CNTN4: variants seen among roughly 807,000 people sequenced by gnomAD.
CNTN4 encodes contactin-4.
In CNTN4, 77 loss-of-function variants were observed where a neutral mutation model predicts 122.5. That is an observed-to-expected ratio of 0.63 (90% confidence interval 0.52 to 0.76). CNTN4 has a LOEUF of 0.76. CNTN4 is among the 30% of genes least tolerant of loss of function. CNTN4 has a pLI of 0.00. For synonymous variants in CNTN4, 512 were observed against 447.0 expected (o/e 1.15, Z -1.83); for missense variants, 1,256 against 1,259.1 (o/e 1.00, Z 0.04).
At chr3:2,622,814 C>T (rs1322190476) in intron 4 of CNTN4, among the ~76,000 whole-genome samples, 2 of 152,216 alleles carry the variant, frequency 1.3e-5, no homozygotes, top group East Asian at 1.9e-4. Context: ...TGCAAGATCA[C>T]GCAGCTGGTG....
At chr3:2,572,208 G>T (rs573655753) in intron 4 of CNTN4, among the ~76,000 whole-genome samples, 1 of 152,080 alleles carries the variant, frequency 6.6e-6, no homozygotes, top group African/African-American at 2.4e-5. Flanking sequence ...GTAACATGGC[G>T]AAAGCTCATC....
At chr3:2,301,666 T>C (rs937043632) in intron 2 of CNTN4, among the ~76,000 whole-genome samples, 1 of 152,186 alleles carries the variant, frequency 6.6e-6, no homozygotes, top group Non-Finnish European at 1.5e-5. Flanking sequence ...GGCAAGTAAC[T>C]TGGGGAATAA....
intron 2 of CNTN4, among the ~76,000 whole-genome samples, chr3:2,330,303 T>A (rs1408390855): frequency 6.6e-6 from 1 of 152,180 alleles, no homozygotes; most frequent in Non-Finnish European, 1.5e-5. Flanking sequence ...TTGGGCAACA[T>A]GGAAGCTCTC....
intron 3 of CNTN4, among the ~76,000 whole-genome samples, chr3:2,517,723 C>T (rs949713780): frequency 4.6e-5 from 7 of 152,132 alleles, no homozygotes; most frequent in South Asian, 4.1e-4. Context: ...AACTTTGCCT[C>T]CTCGCTGGTT....
chr3:3,043,693 A>G lies in CNTN4; in HGVS notation c.2800A>G (p.Lys934Glu). 1 of 1,609,946 alleles carries G rather than the reference A, an allele frequency of 6.2e-7. No homozygotes were observed. Among genetic ancestry groups the G allele is most frequent in the South Asian group, 1.1e-5 (1 of 90,996 alleles). ...GGCCCTGGATAATGAGTCGGAAGTAAAAGGATACAAAGTAGGTAATTTCTT... is the reference window on the plus strand; with the variant it reads ...GGCCCTGGATAATGAGTCGGAAGTAGAAGGATACAAAGTAGGTAATTTCTT... Reference protein sequence around the residue: ...VKALDNESEVKGYKVLYRWNR... With the variant: ...VKALDNESEVEGYKVLYRWNR... The change falls in exon 23 of 25, where the codon AAA (lysine) becomes GAA (glutamate). Residue 934 changes from lysine (K) to glutamate (E), a missense_variant. Coordinates refer to ENST00000418658, the MANE Select transcript of CNTN4 (RefSeq NM_175607.3).
At chr3:2,521,443 T>C (rs1486393155) in intron 3 of CNTN4, among the ~76,000 whole-genome samples, 1 of 149,648 alleles carries the variant, frequency 6.7e-6, no homozygotes, top group African/African-American at 2.5e-5. Context: ...TTGAAACCTA[T>C]TTATAACTTC....
At chr3:2,176,755 G>C (rs2036765013) in intron 2 of CNTN4, among the ~76,000 whole-genome samples, 1 of 152,126 alleles carries the variant, frequency 6.6e-6, no homozygotes, top group South Asian at 2.1e-4. Context: ...ATATAGCTTA[G>C]GAGATTGATT....
intron 2 of CNTN4, among the ~76,000 whole-genome samples, chr3:2,104,587 C>G (rs571453773): frequency 1.3e-5 from 2 of 152,076 alleles, no homozygotes; most frequent in Non-Finnish European, 1.5e-5. Flanking sequence ...GATAAATAAT[C>G]CAGAGAAGTC....
At chr3:2,611,303 A>AAC (rs2081475768) in intron 4 of CNTN4, among the ~76,000 whole-genome samples, 1 of 148,388 alleles carries the variant, frequency 6.7e-6, no homozygotes, top group Non-Finnish European at 1.5e-5. Flanking sequence ...GAACCAAAAA[A>AAC]AAAAAAAAAG....
At chr3:2,535,576 T>C (rs1356720663) in intron 3 of CNTN4, among the ~76,000 whole-genome samples, 2 of 152,174 alleles carry the variant, frequency 1.3e-5, no homozygotes, top group African/African-American at 2.4e-5. Context: ...TTGGTAATTA[T>C]ATCACATCCC....
chr3:2,896,931 G>GTTTTTTT (rs58232281), intron 10 of CNTN4, among the ~76,000 whole-genome samples: 2 of 118,098 alleles, frequency 1.7e-5, no homozygotes, highest in African/African-American at 6.2e-5. Context: ...AATTTAGAGG[G>GTTTTTTT]TTTTTTTTTT....
At chr3:2,382,173 T>A (rs1043298269) in intron 3 of CNTN4, among the ~76,000 whole-genome samples, 1 of 111,046 alleles carries the variant, frequency 9.0e-6, no homozygotes, top group Non-Finnish European at 1.8e-5. Flanking sequence ...CTATCGTGAT[T>A]TTTTTTTTTT....
chr3:2,654,989 G>A (rs1040610111), intron 4 of CNTN4, among the ~76,000 whole-genome samples: 3 of 152,276 alleles, frequency 2.0e-5, no homozygotes, highest in Non-Finnish European at 4.4e-5. Flanking sequence ...ATCTCACTCT[G>A]AATGTCAGAT....
intron 4 of CNTN4, among the ~76,000 whole-genome samples, chr3:2,653,049 A>G (rs1446478910): frequency 6.6e-6 from 1 of 152,140 alleles, no homozygotes; most frequent in East Asian, 1.9e-4. Context: ...TTGGTCAAAA[A>G]TGAATTGTGA....
At chr3:3,006,085 T>TCACTGTGTTAGC (rs1696603776) in intron 14 of CNTN4, among the ~76,000 whole-genome samples, 1 of 151,960 alleles carries the variant, frequency 6.6e-6, no homozygotes. Context: ...AGACGGGGTT[T>TCACTGTGTTAGC]CAGGATGGTC....
chr3:2,359,601 A>G (rs967001882), intron 3 of CNTN4, among the ~76,000 whole-genome samples: 13 of 152,098 alleles, frequency 8.5e-5, no homozygotes, highest in Non-Finnish European at 1.3e-4. Flanking sequence ...GTGCAGTGGC[A>G]GGATCTAGGC....
At chr3:2,558,937 G>T (rs2078833629) in intron 3 of CNTN4, among the ~76,000 whole-genome samples, 1 of 152,166 alleles carries the variant, frequency 6.6e-6, no homozygotes, top group Non-Finnish European at 1.5e-5. Context: ...TTCACACCCA[G>T]AACTACAGAG....
At chr3:3,001,852 C>G (rs958252869) in intron 14 of CNTN4, among the ~76,000 whole-genome samples, 5 of 152,192 alleles carry the variant, frequency 3.3e-5, no homozygotes, top group African/African-American at 1.2e-4. Context: ...TGATTCTACA[C>G]TGAATCTGCA....
intron 3 of CNTN4, among the ~76,000 whole-genome samples, chr3:2,570,666 G>A (rs1230262797): frequency 6.6e-6 from 1 of 152,120 alleles, no homozygotes; most frequent in Non-Finnish European, 1.5e-5. Flanking sequence ...CCATTCCTCA[G>A]AATAACAGTG....
Sources: allele counts gnomAD v4.1 joint callset (sites outside exome capture counted in the v4.1 genomes callset), GRCh38; gene constraint gnomAD v4.1.1; transcripts MANE v1.5; gene names NCBI Gene and HGNC (gene_info 2026-07-23, HGNC 2026-07-21).